The following GRID2 variants were observed in gnomAD, a reference collection of about 807,000 sequenced individuals.
GRID2 encodes the protein glutamate ionotropic receptor delta type subunit 2.
A neutral mutation model predicts 114.8 loss-of-function variants in GRID2; 33 were observed. The observed-to-expected ratio is 0.29, with a 90% CI of 0.22 to 0.38. The LOEUF is 0.38. Among genes scored for constraint, GRID2 ranks in the 10% least tolerant of loss-of-function variants. The pLI is 1.00. For synonymous variants in GRID2, 505 were observed against 449.9 expected, an observed-to-expected ratio of 1.12 and a Z score of -1.55; for missense variants, 1,184 against 1,257.7, an observed-to-expected ratio of 0.94 and a Z score of 0.89.
intron 2 of GRID2, among the ~76,000 whole-genome samples, chr4:92,992,367 C>T (rs1253985121): frequency 6.6e-6 from 1 of 152,074 alleles, no homozygotes; most frequent in Non-Finnish European, 1.5e-5. Flanking sequence ...TCTAGGTGCA[C>T]AAATAATGCA....
Position 92,378,722 on chromosome 4 carries a change from T to C in GRID2, c.88+73978T>C, listed in dbSNP as rs185084469. Among the ~76,000 whole-genome samples, 14 of 152,166 alleles carry C rather than the reference T, an allele frequency of 9.2e-5. 1 individual carries two copies. The highest frequency in any genetic ancestry group is 4.6e-4 in the Admixed American group (7 of 15,282). ...ATTTTTAATCAAGTTGAGCTATTAT[T>C]CAACCATTTAAATTTACCATCAACA... On this transcript the variant is annotated intron_variant, in intron 1 of 15. Coordinates refer to ENST00000282020, the MANE Select transcript of GRID2 (RefSeq NM_001510.4).
At chr4:92,913,871 A>T (rs1383792992) in intron 2 of GRID2, among the ~76,000 whole-genome samples, 1 of 152,022 alleles carries the variant, frequency 6.6e-6, no homozygotes, top group African/African-American at 2.4e-5. Flanking sequence ...ACAAAAAATG[A>T]CTACTATTTT....
intron 2 of GRID2, among the ~76,000 whole-genome samples, chr4:92,987,062 A>G (rs1754548990): frequency 6.6e-6 from 1 of 152,182 alleles, no homozygotes; most frequent in Non-Finnish European, 1.5e-5. Flanking sequence ...AAGGATGGAA[A>G]CTGTGCAAAT....
intron 3 of GRID2, among the ~76,000 whole-genome samples, chr4:93,108,452 G>A (rs1348151268): frequency 6.6e-6 from 1 of 152,114 alleles, no homozygotes. Flanking sequence ...CAGAGAATAA[G>A]TAATCTGAAA....
chr4:93,057,729 G>A (rs924256682), intron 2 of GRID2, among the ~76,000 whole-genome samples: 1 of 151,736 alleles, frequency 6.6e-6, no homozygotes, highest in African/African-American at 2.4e-5. Context: ...AAACGGGCAA[G>A]GGAAAAGAAT....
chr4:92,799,313 T>C (rs1367425488), intron 2 of GRID2, among the ~76,000 whole-genome samples: 1 of 151,916 alleles, frequency 6.6e-6, no homozygotes, highest in African/African-American at 2.4e-5. Context: ...GCTGATCTGA[T>C]GGGAAGTGGA....
At chr4:92,946,993 T>C (rs1215000320) in intron 2 of GRID2, among the ~76,000 whole-genome samples, 4 of 152,104 alleles carry the variant, frequency 2.6e-5, no homozygotes, top group Non-Finnish European at 5.9e-5. Flanking sequence ...GAAAGATTTA[T>C]AGAAAGTCCA....
intron 2 of GRID2, among the ~76,000 whole-genome samples, chr4:92,748,500 G>A (rs989652652): frequency 6.6e-6 from 1 of 151,984 alleles, no homozygotes; most frequent in African/African-American, 2.4e-5. Flanking sequence ...TGCAGCCAAG[G>A]AGCATTCTAG....
intron 2 of GRID2, among the ~76,000 whole-genome samples, chr4:92,918,852 G>A (rs1440738284): frequency 6.6e-6 from 1 of 152,170 alleles, no homozygotes; most frequent in Non-Finnish European, 1.5e-5. Flanking sequence ...GTATCAGGAT[G>A]ATGCTGGCCT....
At chr4:93,196,117 A>T (rs1388182068) in intron 4 of GRID2, among the ~76,000 whole-genome samples, 1 of 152,170 alleles carries the variant, frequency 6.6e-6, no homozygotes, top group Admixed American at 6.6e-5. Context: ...TAACTCAGGC[A>T]GGGAAGTCAA....
chr4:92,752,723 A>G (rs1480725594), intron 2 of GRID2, among the ~76,000 whole-genome samples: 7 of 152,142 alleles, frequency 4.6e-5, no homozygotes, highest in Non-Finnish European at 1.0e-4. Context: ...TGATTTGAAA[A>G]ACTTTTACTG....
Position 93,750,445 on chromosome 4 carries a change from C to T in GRID2, c.2361-18765C>T, listed in dbSNP as rs572194117. ...CAGTAGGAAATCCCTAGAATAGTCACGTACAATTGGAAATAAAAGGCTTTC... is the reference window on the plus strand; with the variant it reads ...CAGTAGGAAATCCCTAGAATAGTCATGTACAATTGGAAATAAAAGGCTTTC... On this transcript the variant is annotated intron_variant, in intron 14 of 15. Coordinates refer to ENST00000282020, the MANE Select transcript of GRID2 (RefSeq NM_001510.4). Among the ~76,000 whole-genome samples the T allele has an allele frequency of 6.8e-4, 103 of 152,212 alleles. 1 individual carries two copies. In the South Asian group the frequency reaches 8.1e-3, roughly 12 times the overall value.
At chr4:93,070,344 C>A in intron 2 of GRID2, among the ~76,000 whole-genome samples, 1 of 151,874 alleles carries the variant, frequency 6.6e-6, no homozygotes, top group East Asian at 1.9e-4. Flanking sequence ...TTTTTTTTCC[C>A]CAGAAATAGA....
intron 14 of GRID2, among the ~76,000 whole-genome samples, chr4:93,648,345 T>C (rs1722295192): frequency 6.6e-6 from 1 of 152,028 alleles, no homozygotes; most frequent in East Asian, 1.9e-4. Context: ...AGAGAAACTA[T>C]GTGCAGAGAA....
intron 2 of GRID2, among the ~76,000 whole-genome samples, chr4:92,812,339 G>A (rs1433682694): frequency 1.3e-5 from 2 of 151,872 alleles, no homozygotes; most frequent in Admixed American, 6.6e-5. Flanking sequence ...CTGCCAAATC[G>A]GATAAATAAA....
At chr4:93,201,175 A>G (rs1400787317) in intron 4 of GRID2, among the ~76,000 whole-genome samples, 1 of 152,202 alleles carries the variant, frequency 6.6e-6, no homozygotes, top group Non-Finnish European at 1.5e-5. Flanking sequence ...TATGATTTTT[A>G]TGTTAATTAT....
At chr4:92,580,086 T>C (rs1163851907) in intron 1 of GRID2, among the ~76,000 whole-genome samples, 1 of 149,598 alleles carries the variant, frequency 6.7e-6, no homozygotes, top group Non-Finnish European at 1.5e-5. Flanking sequence ...AATTTGCTGT[T>C]ATATATATTG....
chr4:92,938,627 A>C (rs535546847), intron 2 of GRID2, among the ~76,000 whole-genome samples: 3 of 146,346 alleles, frequency 2.0e-5, no homozygotes, highest in African/African-American at 7.3e-5. Context: ...GGTTTGTTAC[A>C]TATGTATACA....
chr4:93,568,257 G>A (rs1407266418), intron 13 of GRID2, among the ~76,000 whole-genome samples: 5 of 152,064 alleles, frequency 3.3e-5, no homozygotes, highest in Admixed American at 2.0e-4. Flanking sequence ...TCTGCTTCAG[G>A]CACTGTATTC....
Sources: allele counts gnomAD v4.1 joint callset (sites outside exome capture counted in the v4.1 genomes callset), GRCh38; gene constraint gnomAD v4.1.1; transcripts MANE v1.5; gene names NCBI Gene and HGNC (gene_info 2026-07-23, HGNC 2026-07-21).